The following RFX2 variants were observed in gnomAD, a reference collection of about 807,000 sequenced individuals.
The protein encoded by RFX2 is DNA-binding protein RFX2.
Under a neutral mutation model 87.8 loss-of-function variants are expected in RFX2, and 20 were observed. The observed-to-expected ratio is 0.23, with a 90% CI of 0.16 to 0.33. The LOEUF is 0.33. Ranked by LOEUF, RFX2 falls within the 10% of genes least tolerant of loss-of-function variation. RFX2 has a pLI of 1.00. For synonymous variants in RFX2, 397 were observed against 431.3 expected (o/e 0.92, Z 0.98); for missense variants, 767 against 1,012.3 (o/e 0.76, Z 3.29).
At chr19:6,015,091 A>G (rs1568507000) in intron 7 of RFX2, among the ~76,000 whole-genome samples, 1 of 152,244 alleles carries the variant, frequency 6.6e-6, no homozygotes, top group East Asian at 1.9e-4. Context: ...CGGGGCTGCC[A>G]TAGGCCAAGA....
intron 1 of RFX2, among the ~76,000 whole-genome samples, chr19:6,055,911 A>G (rs887835294): frequency 6.6e-6 from 1 of 152,248 alleles, no homozygotes; most frequent in African/African-American, 2.4e-5. Flanking sequence ...TTCACAATGC[A>G]TGGATGAATC....
rs1215499780 is a variant in RFX2, at chr19:6,023,229, G to GA, written c.597+2933dup. 1.3e-5 allele frequency: 2 copies of GA among 152,410 alleles called. No homozygotes were observed. Among genetic ancestry groups the GA allele is most frequent in the Admixed American group, 1.3e-4 (2 of 15,290 alleles). The allele number at this position is 152,410 out of a possible 1,614,324, so 9.4% of individuals were successfully genotyped here. The stretch of plus-strand genomic sequence containing the variant: ...GAAGGGAGGTCTGGGAGGCCACTGG[G>GA]AAAATGGGTCTCCAGGGCCCAGCTG... On this transcript the variant is annotated intron_variant, in intron 6 of 17. Coordinates refer to ENST00000303657, the MANE Select transcript of RFX2 (RefSeq NM_000635.4). The surrounding 1 kb of genome is among the most constrained non-coding windows in gnomAD (Gnocchi z 4.9).
chr19:6,104,022 G>A (rs146290056), intron 1 of RFX2, among the ~76,000 whole-genome samples: 3 of 152,158 alleles, frequency 2.0e-5, no homozygotes, highest in South Asian at 2.1e-4. Context: ...GCAACCACAC[G>A]AGCTATTATT....
intron 1 of RFX2, among the ~76,000 whole-genome samples, chr19:6,096,245 A>C (rs547776262): frequency 5.9e-5 from 9 of 152,322 alleles, no homozygotes; most frequent in African/African-American, 2.2e-4. Flanking sequence ...ATATTTCTTA[A>C]ACCCTTGGTA....
intron 1 of RFX2, among the ~76,000 whole-genome samples, chr19:6,089,737 G>A (rs1344272197): frequency 6.6e-6 from 1 of 152,172 alleles, no homozygotes; most frequent in East Asian, 1.9e-4. Flanking sequence ...ACACATTCCT[G>A]TTGTTTAGAA....
In RFX2 at chr19:6,004,934, C is replaced by CA. The variant is rs2086558939; in HGVS notation, c.1403-637dup. ...CGGAGTTCGAGACCAGCCTGGCCAA[C>CA]ATGGTGAAACCCTATCTCTACTAAA... On this transcript the variant is annotated intron_variant, in intron 12 of 17. Transcript: ENST00000303657. This position sits in a 1 kb window ranked among gnomAD's most constrained non-coding sequence, Gnocchi z 4.8. Among the ~76,000 whole-genome samples, 1 of 152,086 alleles carries CA rather than the reference C, an allele frequency of 6.6e-6. No homozygotes were observed. The highest frequency in any genetic ancestry group is 1.5e-5 in the Non-Finnish European group (1 of 68,022).
rs2087341103 is a variant in RFX2, at chr19:6,056,358, A to G, written c.-8-8854T>C. On this transcript the variant is annotated intron_variant, in intron 1 of 17. Coordinates refer to ENST00000303657, the MANE Select transcript of RFX2 (RefSeq NM_000635.4). This position sits in a 1 kb window ranked among gnomAD's most constrained non-coding sequence, Gnocchi z 4.6. The stretch of plus-strand genomic sequence containing the variant: ...GTGGATGTTTGAAATTTCCATGATA[A>G]GGAGTTAAACAAACACACACACAAG... 6.6e-6 allele frequency among the ~76,000 whole-genome samples: 1 copy of G among 152,180 alleles called. No homozygotes were observed. The highest frequency in any genetic ancestry group is 1.5e-5 in the Non-Finnish European group (1 of 68,040).
intron 1 of RFX2, among the ~76,000 whole-genome samples, chr19:6,052,811 C>T (rs1288715306): frequency 6.6e-6 from 1 of 151,516 alleles, no homozygotes; most frequent in Non-Finnish European, 1.5e-5. Flanking sequence ...ATAATAAACC[C>T]CAAAGAAAAA....
intron 1 of RFX2, among the ~76,000 whole-genome samples, chr19:6,095,212 G>A: frequency 6.6e-6 from 1 of 152,192 alleles, no homozygotes; most frequent in East Asian, 1.9e-4. Context: ...GGCCGGTAAT[G>A]ATCTAGAAGA....
Position 6,016,050 on chromosome 19 carries a change from G to A in RFX2, c.779+40C>T, listed in dbSNP as rs2086722039. The A allele has an allele frequency of 5.2e-6, 8 of 1,532,298 alleles. No individual in the cohort carries two copies. The South Asian group carries it at 8.7e-5, about 17-fold the overall frequency. 94.9% of individuals were successfully genotyped at this position (1,532,298 alleles called of 1,614,324 possible). A position where few individuals can be genotyped will look rare whatever the true frequency, so the allele number is the denominator to read the frequency against. ...CCCAAAAGCTCCATTTCTTGGGAAAGGAAGAGGAAGAACAGGTGGGCTGGG... is the reference window on the plus strand; with the variant it reads ...CCCAAAAGCTCCATTTCTTGGGAAAAGAAGAGGAAGAACAGGTGGGCTGGG... On this transcript the variant is annotated intron_variant, in intron 7 of 17. Coordinates refer to ENST00000303657, the MANE Select transcript of RFX2 (RefSeq NM_000635.4). This position sits in a 1 kb window ranked among gnomAD's most constrained non-coding sequence, Gnocchi z 5.4.
intron 1 of RFX2, among the ~76,000 whole-genome samples, chr19:6,059,734 CACAA>C (rs1213269333): frequency 1.3e-5 from 2 of 151,592 alleles, no homozygotes; most frequent in Non-Finnish European, 1.5e-5. Flanking sequence ...TACACATATA[CACAA>C]ACACACACAC....
rs780705978 is a variant in RFX2 at position 6,040,252 on chromosome 19, G to A, written c.261-11C>T. 4.6e-6 allele frequency: 7 copies of A among 1,529,628 alleles called. No homozygotes were observed. In the South Asian group the frequency reaches 6.2e-5, roughly 14 times the overall value. 94.8% of individuals were successfully genotyped at this position (1,529,628 alleles called of 1,614,324 possible). ...GTGTAGGCTGTTCGTCTGTTAGAAA[G>A]AGAGAAGTCACGCATGGGACGCTGT... On this transcript the variant is annotated splice_polypyrimidine_tract_variant and intron_variant, in intron 4 of 17. Transcript: ENST00000303657. The surrounding 1 kb of genome is among the most constrained non-coding windows in gnomAD (Gnocchi z 6.1).
rs1055578043 is a variant in RFX2 at position 6,021,616 on chromosome 19, C to T, written c.597+4547G>A. 6.6e-6 allele frequency among the ~76,000 whole-genome samples: 1 copy of T among 152,182 alleles called. No homozygotes were observed. Among genetic ancestry groups the T allele is most frequent in the Admixed American group, 6.5e-5 (1 of 15,282 alleles). On this transcript the variant is annotated intron_variant, in intron 6 of 17. Coordinates refer to ENST00000303657, the MANE Select transcript of RFX2 (RefSeq NM_000635.4). This position sits in a 1 kb window ranked among gnomAD's most constrained non-coding sequence, Gnocchi z 5.7. ...GAAGAGAGCTTCAGGCAGAGGGCCC[C>T]ACAGTGCAAAGGCCCTGGGGCAGGT...
chr19:6,071,663 T>C (rs1444714817), intron 1 of RFX2, among the ~76,000 whole-genome samples: 2 of 152,186 alleles, frequency 1.3e-5, no homozygotes, highest in Admixed American at 1.3e-4. Context: ...GCTGAGAAGA[T>C]GCAGCAAAAG....
chr19:6,042,947 C>T (rs1040853846), intron 3 of RFX2, among the ~76,000 whole-genome samples: 3 of 152,172 alleles, frequency 2.0e-5, no homozygotes, highest in Non-Finnish European at 2.9e-5. Context: ...TGGGCTTGTT[C>T]GGGTGTCATG....
rs991440106 is a variant in RFX2 at position 6,016,917 on chromosome 19, A to T, written c.598-646T>A. On this transcript the variant is annotated intron_variant, in intron 6 of 17. Transcript: ENST00000303657. This position sits in a 1 kb window ranked among gnomAD's most constrained non-coding sequence, Gnocchi z 5.4. ...TTAACACCAAATCGCTCCCCAACAT[A>T]CAGGAATGGAGAGAAATTCTGTTGC... Among the ~76,000 whole-genome samples the T allele has an allele frequency of 6.6e-6, 1 of 152,176 alleles. No individual in the cohort carries two copies. Among genetic ancestry groups the T allele is most frequent in the Non-Finnish European group, 1.5e-5 (1 of 68,026 alleles).
At chr19:6,076,801 G>T (rs1342574159) in intron 1 of RFX2, among the ~76,000 whole-genome samples, 1 of 152,180 alleles carries the variant, frequency 6.6e-6, no homozygotes. Flanking sequence ...TTCGCTATTT[G>T]TGATGTTGCT....
intron 5 of RFX2, among the ~76,000 whole-genome samples, chr19:6,031,077 G>A (rs1167559813): frequency 1.3e-5 from 2 of 152,078 alleles, no homozygotes; most frequent in Admixed American, 1.3e-4. Flanking sequence ...TTTTATCATT[G>A]GCCACAAAAA....
At chr19:6,038,328 GAAAA>G (rs55857624) in intron 5 of RFX2, among the ~76,000 whole-genome samples, 4 of 61,100 alleles carry the variant, frequency 6.5e-5, no homozygotes, top group African/African-American at 1.4e-4. Flanking sequence ...CTCCGTCTCA[GAAAA>G]AAAAAAAAAA....
Sources: allele counts gnomAD v4.1 joint callset (sites outside exome capture counted in the v4.1 genomes callset), GRCh38; gene constraint gnomAD v4.1.1; non-coding constraint Gnocchi (gnomAD v3.1); transcripts MANE v1.5; gene names NCBI Gene and HGNC (gene_info 2026-07-23, HGNC 2026-07-21).